Variants in NELL1 observed in about 807,000 individuals in gnomAD.
The protein encoded by NELL1 is neural EGFL like 1.
Under a neutral mutation model 107.4 loss-of-function variants are expected in NELL1, and 76 were observed. The observed-to-expected ratio is 0.71, with a 90% CI of 0.59 to 0.86. NELL1 has a LOEUF of 0.86. NELL1 is among the 40% of genes least tolerant of loss of function. The probability of loss-of-function intolerance (pLI) is 0.00; values close to 1 mark genes in which losing one functional copy is unlikely to be tolerated. For synonymous variants in NELL1, 353 were observed against 341.2 expected (o/e 1.03, Z -0.38); for missense variants, 1,024 against 1,005.5 (o/e 1.02, Z -0.25).
chr11:21,290,233 G>A (rs1849219972), intron 14 of NELL1, among the ~76,000 whole-genome samples: 1 of 151,998 alleles, frequency 6.6e-6, no homozygotes, highest in Non-Finnish European at 1.5e-5. Context: ...GCTGGGCGTG[G>A]TGGTGGGTGC....
At chr11:20,814,814 C>A (rs928045048) in intron 3 of NELL1, among the ~76,000 whole-genome samples, 1 of 152,172 alleles carries the variant, frequency 6.6e-6, no homozygotes, top group East Asian at 1.9e-4. Context: ...TGGATATATA[C>A]CCAGTAAAGG....
At chr11:20,894,482 C>T (rs900361579) in intron 5 of NELL1, among the ~76,000 whole-genome samples, 1 of 152,126 alleles carries the variant, frequency 6.6e-6, no homozygotes, top group Non-Finnish European at 1.5e-5. Flanking sequence ...CCAGGCACTT[C>T]ACAAAAGGGA....
At chr11:21,309,304 ATATATATAAT>A (rs936318048) in intron 14 of NELL1, among the ~76,000 whole-genome samples, 6 of 128,018 alleles carry the variant, frequency 4.7e-5, no homozygotes, top group East Asian at 2.2e-4. Context: ...ATATATGTAT[ATATATATAAT>A]ATATATATAT....
At chr11:21,534,926 C>A (rs1856097396) in intron 16 of NELL1, among the ~76,000 whole-genome samples, 1 of 152,140 alleles carries the variant, frequency 6.6e-6, no homozygotes, top group African/African-American at 2.4e-5. Flanking sequence ...ATCTCTTATA[C>A]TGCAAGAGTC....
chr11:21,142,750 A>T (rs1291073538), intron 13 of NELL1, among the ~76,000 whole-genome samples: 2 of 152,150 alleles, frequency 1.3e-5, no homozygotes, highest in African/African-American at 2.4e-5. Context: ...TCTCTTTGTC[A>T]TCCTTCCTCT....
At chr11:20,762,479 G>A (rs561470866) in intron 2 of NELL1, among the ~76,000 whole-genome samples, 42 of 152,252 alleles carry the variant, frequency 2.8e-4, no homozygotes, top group African/African-American at 9.6e-4. Flanking sequence ...CATAATTAGG[G>A]CATAAAAAAG....
chr11:21,054,865 G>A (rs1469065105), intron 12 of NELL1, among the ~76,000 whole-genome samples: 1 of 151,832 alleles, frequency 6.6e-6, no homozygotes, highest in African/African-American at 2.4e-5. Flanking sequence ...TTTCTTTAAT[G>A]GTGTTCATGA....
At chr11:21,276,201 A>G (rs1244245596) in intron 14 of NELL1, among the ~76,000 whole-genome samples, 1 of 152,352 alleles carries the variant, frequency 6.6e-6, no homozygotes, top group South Asian at 2.1e-4. Context: ...ACTTCAGCAA[A>G]GTCTCAGGAT....
intron 15 of NELL1, among the ~76,000 whole-genome samples, chr11:21,496,513 G>A (rs1401079786): frequency 2.7e-5 from 4 of 150,342 alleles, no homozygotes; most frequent in African/African-American, 9.8e-5. Flanking sequence ...GGGTTCAAGC[G>A]ATTCTCCTGC....
At chr11:21,327,178 T>G (rs1259054053) in intron 14 of NELL1, among the ~76,000 whole-genome samples, 1 of 97,652 alleles carries the variant, frequency 1.0e-5, no homozygotes, top group Non-Finnish European at 2.1e-5. Context: ...TTTTTTTTTT[T>G]GTGGGGGGGA....
At chr11:21,326,328 G>T (rs1850141684) in intron 14 of NELL1, among the ~76,000 whole-genome samples, 1 of 150,884 alleles carries the variant, frequency 6.6e-6, no homozygotes, top group East Asian at 1.9e-4. Context: ...TCAACGATTT[G>T]CGGTATTTCA....
chr11:21,525,670 C>T (rs916676943), intron 15 of NELL1, among the ~76,000 whole-genome samples: 1 of 152,126 alleles, frequency 6.6e-6, no homozygotes, highest in South Asian at 2.1e-4. Context: ...ACTCACAGTT[C>T]CACATGGCTG....
intron 12 of NELL1, among the ~76,000 whole-genome samples, chr11:21,009,772 C>G (rs866898335): frequency 6.6e-6 from 1 of 152,044 alleles, no homozygotes; most frequent in East Asian, 1.9e-4. Context: ...CTAGGATATT[C>G]TCACCTTGAA....
intron 13 of NELL1, among the ~76,000 whole-genome samples, chr11:21,196,331 G>T (rs1003960175): frequency 6.6e-6 from 1 of 152,052 alleles, no homozygotes; most frequent in African/African-American, 2.4e-5. Flanking sequence ...TGGCTTAAAA[G>T]GACCTACCTG....
intron 14 of NELL1, among the ~76,000 whole-genome samples, chr11:21,346,236 G>T (rs374599795): frequency 1.3e-5 from 2 of 152,156 alleles, no homozygotes; most frequent in East Asian, 1.9e-4. Context: ...TCTCAGGCAG[G>T]TTCTAACAAG....
At chr11:21,475,862 C>G (rs1315076295) in intron 15 of NELL1, among the ~76,000 whole-genome samples, 2 of 152,186 alleles carry the variant, frequency 1.3e-5, no homozygotes, top group South Asian at 2.1e-4. Context: ...TCCAGAATTT[C>G]ATACTGGATA....
intron 14 of NELL1, among the ~76,000 whole-genome samples, chr11:21,239,351 C>T (rs535668347): frequency 1.3e-5 from 2 of 152,080 alleles, no homozygotes; most frequent in South Asian, 4.1e-4. Flanking sequence ...AGGGATGGAT[C>T]GTCTCACTAT....
intron 17 of NELL1, among the ~76,000 whole-genome samples, chr11:21,565,982 A>G (rs891128635): frequency 4.6e-5 from 7 of 151,976 alleles, no homozygotes; most frequent in Non-Finnish European, 7.4e-5. Flanking sequence ...TTCATAGTCT[A>G]TATCAGGCAT....
intron 14 of NELL1, among the ~76,000 whole-genome samples, chr11:21,292,129 T>A (rs1233310635): frequency 6.6e-6 from 1 of 152,154 alleles, no homozygotes; most frequent in Non-Finnish European, 1.5e-5. Context: ...AGAGAGGAAG[T>A]CAAATTGTCT....
Sources: allele counts gnomAD v4.1 joint callset (sites outside exome capture counted in the v4.1 genomes callset), GRCh38; gene constraint gnomAD v4.1.1; transcripts MANE v1.5; gene names NCBI Gene and HGNC (gene_info 2026-07-23, HGNC 2026-07-21).